The following CNTN5 variants were observed in gnomAD, a reference collection of about 807,000 sequenced individuals.
CNTN5 encodes contactin-5.
A neutral mutation model predicts 129.1 loss-of-function variants in CNTN5; 77 were observed. The observed-to-expected ratio is 0.60, with a 90% confidence interval of 0.50 to 0.72. The LOEUF is 0.72. Ranked by LOEUF, CNTN5 falls within the 30% of genes least tolerant of loss-of-function variation. CNTN5 has a pLI of 0.00. For synonymous variants in CNTN5, 509 were observed against 465.6 expected (o/e 1.09, Z -1.20); for missense variants, 1,478 against 1,328.8 (o/e 1.11, Z -1.75).
At chr11:99,413,183 T>C (rs578108393) in intron 2 of CNTN5, among the ~76,000 whole-genome samples, 2 of 152,242 alleles carry the variant, frequency 1.3e-5, no homozygotes, top group Non-Finnish European at 2.9e-5. Context: ...GAGTCAAGTA[T>C]TAACGGGGAA....
chr11:99,573,527 G>A (rs556934089), intron 3 of CNTN5, among the ~76,000 whole-genome samples: 290 of 151,754 alleles, frequency 1.9e-3, no homozygotes, highest in Middle Eastern at 0.014. Context: ...CCCAGATCAC[G>A]CCACTGCACT....
At chr11:100,172,171 A>G (rs531645867) in intron 13 of CNTN5, among the ~76,000 whole-genome samples, 2 of 152,172 alleles carry the variant, frequency 1.3e-5, no homozygotes, top group East Asian at 3.9e-4. Context: ...AAATACTATT[A>G]AAACTAATAG....
intron 23 of CNTN5, among the ~76,000 whole-genome samples, chr11:100,348,124 C>G (rs1045671259): frequency 1.2e-4 from 18 of 151,926 alleles, no homozygotes; most frequent in African/African-American, 4.3e-4. Flanking sequence ...ATAAACATAG[C>G]TGTCATTGCA....
intron 2 of CNTN5, among the ~76,000 whole-genome samples, chr11:99,508,686 C>CTTTCTTTTTTTTTTTTTT (rs11281160): frequency 3.4e-5 from 5 of 146,860 alleles, no homozygotes; most frequent in African/African-American, 5.0e-5. Flanking sequence ...TCTTTTCTTT[C>CTTTCTTTTTTTTTTTTTT]TTTTTTTTTT....
chr11:99,808,786 G>A (rs576124169), intron 3 of CNTN5, among the ~76,000 whole-genome samples: 76 of 152,036 alleles, frequency 5.0e-4, no homozygotes, highest in Non-Finnish European at 8.4e-4. Context: ...GGTATCAGCT[G>A]CTTCTTACTA....
rs535971192 is a variant in CNTN5, at chr11:100,040,661, C to T, written c.981-20551C>T. Among the ~76,000 whole-genome samples the T allele has an allele frequency of 4.8e-4, 73 of 152,034 alleles. No individual in the cohort carries two copies. In the South Asian group the frequency reaches 8.5e-3, roughly 18 times the overall value. On this transcript the variant is annotated intron_variant, in intron 9 of 24. Transcript: ENST00000524871. Reference sequence around the variant, plus strand: ...CCGCTTTGTTTACCTAATCAAACAACTAACTCATCAATGGTGGGCGCCCCT... The same window carrying T: ...CCGCTTTGTTTACCTAATCAAACAATTAACTCATCAATGGTGGGCGCCCCT...
At chr11:99,380,779 A>AG (rs1940499780) in intron 2 of CNTN5, among the ~76,000 whole-genome samples, 3 of 148,508 alleles carry the variant, frequency 2.0e-5, no homozygotes, top group Non-Finnish European at 4.5e-5. Flanking sequence ...AAAAAAAAAA[A>AG]AAAAAAAGAA....
chr11:100,297,755 TTTAA>T, intron 19 of CNTN5, 60 bp downstream of exon 19: 3 of 1,256,202 alleles, frequency 2.4e-6, no homozygotes, highest in African/African-American at 1.5e-5. Context: ...TAGTGTGATA[TTTAA>T]TTATTTTATG....
intron 1 of CNTN5, among the ~76,000 whole-genome samples, chr11:99,216,838 C>T (rs1235124777): frequency 6.6e-6 from 1 of 151,936 alleles, no homozygotes; most frequent in African/African-American, 2.4e-5. Context: ...AAGAGGCAAC[C>T]CACAGAGAGG....
intron 3 of CNTN5, among the ~76,000 whole-genome samples, chr11:99,571,045 T>G (rs530228614): frequency 6.6e-6 from 1 of 152,048 alleles, no homozygotes; most frequent in Admixed American, 6.6e-5. Context: ...AGAAGAGTGA[T>G]AGGTGGTGAA....
At chr11:100,321,292 T>A (rs943146511) in intron 21 of CNTN5, among the ~76,000 whole-genome samples, 53 of 52,466 alleles carry the variant, frequency 1.0e-3, no homozygotes, top group South Asian at 2.4e-3. Context: ...TTCCTAAGTA[T>A]TTTTTTTTTT....
intron 1 of CNTN5, among the ~76,000 whole-genome samples, chr11:99,138,680 C>T (rs1415853753): frequency 2.0e-5 from 3 of 152,026 alleles, no homozygotes; most frequent in African/African-American, 7.2e-5. Flanking sequence ...TTTTACCTAC[C>T]TCATTAGTTT....
At chr11:99,432,455 CT>C in intron 2 of CNTN5, among the ~76,000 whole-genome samples, 1 of 127,908 alleles carries the variant, frequency 7.8e-6, no homozygotes, top group East Asian at 2.1e-4. Context: ...CTTTTCTTTT[CT>C]TTTCTTTCCT....
At chr11:100,081,622 A>C (rs1944367164) in intron 13 of CNTN5, among the ~76,000 whole-genome samples, 1 of 152,194 alleles carries the variant, frequency 6.6e-6, no homozygotes, top group Non-Finnish European at 1.5e-5. Flanking sequence ...TGATTAGCAA[A>C]TAAAGCATAA....
intron 1 of CNTN5, among the ~76,000 whole-genome samples, chr11:99,026,879 T>C (rs1863131853): frequency 6.6e-6 from 1 of 151,572 alleles, no homozygotes. Context: ...ATCAAATCCT[T>C]ATATTAGAAT....
chr11:99,698,914 TAA>T (rs34792632), intron 3 of CNTN5, among the ~76,000 whole-genome samples: 500 of 143,362 alleles, frequency 3.5e-3, no homozygotes, highest in Non-Finnish European at 4.2e-3. Flanking sequence ...CACAAAAACA[TAA>T]AAAAAAAAAA....
intron 15 of CNTN5, among the ~76,000 whole-genome samples, chr11:100,202,511 A>C (rs952821372): frequency 4.0e-5 from 6 of 150,662 alleles, no homozygotes; most frequent in African/African-American, 1.5e-4. Context: ...CCTTTGCCAG[A>C]AAACATATTT....
intron 3 of CNTN5, among the ~76,000 whole-genome samples, chr11:99,623,275 A>G (rs1951014513): frequency 6.6e-6 from 1 of 152,104 alleles, no homozygotes; most frequent in Non-Finnish European, 1.5e-5. Context: ...TTATTAACCC[A>G]AGTTAGTGGG....
At chr11:99,218,206 G>C (rs1436180919) in intron 1 of CNTN5, among the ~76,000 whole-genome samples, 1 of 151,894 alleles carries the variant, frequency 6.6e-6, no homozygotes, top group Non-Finnish European at 1.5e-5. Flanking sequence ...TCTTCCCTTG[G>C]ACTCTGTGAC....
Sources: gnomAD v4.1 joint callset for allele counts (sites outside exome capture counted in the v4.1 genomes callset) on GRCh38, gnomAD v4.1.1 for gene constraint, MANE v1.5 for transcripts, NCBI Gene and HGNC (gene_info 2026-07-23, HGNC 2026-07-21) for gene names.